The following XRRA1 variants were observed in gnomAD, a reference collection of about 807,000 sequenced individuals.
The protein encoded by XRRA1 is X-ray radiation resistance associated 1, also known as X-ray radiation resistance-associated protein 1.
Under a neutral mutation model 80.2 loss-of-function variants are expected in XRRA1, and 69 were observed. That is an observed-to-expected ratio of 0.86 (90% CI 0.71 to 1.05). The LOEUF (loss-of-function observed/expected upper bound fraction) is 1.05. XRRA1 is among the 50% of genes least tolerant of loss of function. The pLI is 0.00. For synonymous variants in XRRA1, 348 were observed against 389.9 expected (o/e 0.89, Z 1.27); for missense variants, 967 against 976.4 (o/e 0.99, Z 0.13).
At chr11:74,855,515 T>C (rs1486984556) in intron 12 of XRRA1, among the ~76,000 whole-genome samples, 10 of 152,190 alleles carry the variant, frequency 6.6e-5, no homozygotes, top group Admixed American at 5.9e-4. Flanking sequence ...AATCTGGCCA[T>C]GGGGCTAGCC....
chr11:74,889,656 T>C (rs1461378279), intron 10 of XRRA1, among the ~76,000 whole-genome samples: 4 of 152,024 alleles, frequency 2.6e-5, no homozygotes, highest in Admixed American at 6.6e-5. Flanking sequence ...GTTCAGGAAA[T>C]CCATCTCATG....
At chr11:74,894,698 G>A (rs1233223125) in intron 10 of XRRA1, among the ~76,000 whole-genome samples, 1 of 152,162 alleles carries the variant, frequency 6.6e-6, no homozygotes, top group African/African-American at 2.4e-5. Flanking sequence ...TGGGGATTAT[G>A]GGGATTACAA....
At chr11:74,927,657 A>G (rs186528092) in intron 6 of XRRA1, among the ~76,000 whole-genome samples, 169 bp from the exon 7 acceptor site, 1 of 152,352 alleles carries the variant, frequency 6.6e-6, no homozygotes, top group East Asian at 1.9e-4. Flanking sequence ...AGGGATTACT[A>G]CTTCCATTCT....
At chr11:74,880,691 C>G in intron 10 of XRRA1, among the ~76,000 whole-genome samples, 2 of 149,734 alleles carry the variant, frequency 1.3e-5, no homozygotes, top group Admixed American at 6.7e-5. Context: ...CAAAGAACAT[C>G]TTTATTTCTG....
At chr11:74,946,222 C>T (rs1449803839) in intron 1 of XRRA1, among the ~76,000 whole-genome samples, 1 of 152,172 alleles carries the variant, frequency 6.6e-6, no homozygotes, top group Non-Finnish European at 1.5e-5. Context: ...GGATTACAGG[C>T]GTGAACCCCC....
intron 7 of XRRA1, among the ~76,000 whole-genome samples, chr11:74,923,890 ATGAACATGGCTAGAGGGCAGTGGTG>A (rs1292694435): frequency 1.3e-5 from 2 of 152,254 alleles, no homozygotes; most frequent in African/African-American, 2.4e-5. Flanking sequence ...ACCCATTGGT[ATGAACATGGCTAGAGGGCAGTGGTG>A]TGAACATGGC....
intron 10 of XRRA1, among the ~76,000 whole-genome samples, chr11:74,904,457 T>A (rs1362185411): frequency 6.6e-6 from 1 of 150,702 alleles, no homozygotes; most frequent in African/African-American, 2.4e-5. Flanking sequence ...TGAGACTCTG[T>A]CTCTAAAAAG....
At chr11:74,916,085 C>T (rs751101155) in intron 8 of XRRA1, among the ~76,000 whole-genome samples, 16 of 152,156 alleles carry the variant, frequency 1.1e-4, no homozygotes, top group Admixed American at 2.0e-4. Context: ...GCTTCTCTCT[C>T]ACTGCTTTCA....
chr11:74,851,988 C>G lies in XRRA1; in HGVS notation c.1264+1G>C, dbSNP rs1206047183. 11 of 1,613,682 alleles carry G rather than the reference C, an allele frequency of 6.8e-6. No homozygotes were observed. In the East Asian group the frequency reaches 2.5e-4, roughly 36 times the overall value. On this transcript the variant is annotated splice_donor_variant, in intron 13 of 18. Coordinates refer to ENST00000684022, the MANE Select transcript of XRRA1 (RefSeq NM_001378157.1). LOFTEE classifies it high-confidence loss of function. ...AGGGGGCAGGTTTGCGGGCACTATA[C>G]CTCGTGTATGGGCCACCAGAGGGTT... is the stretch of plus-strand genomic sequence containing the variant.
intron 12 of XRRA1, among the ~76,000 whole-genome samples, chr11:74,858,047 C>T (rs555041566): frequency 4.0e-5 from 6 of 151,686 alleles, no homozygotes; most frequent in South Asian, 2.1e-4. Context: ...GCCTAAGATG[C>T]GAGAAAAAGA....
At chr11:74,946,711 T>C (rs753925362) in intron 1 of XRRA1, among the ~76,000 whole-genome samples, 1 of 151,950 alleles carries the variant, frequency 6.6e-6, no homozygotes, top group Non-Finnish European at 1.5e-5. Flanking sequence ...GCTGTGAGTA[T>C]CTCCAAGGTC....
rs76996979 is a variant in XRRA1 at position 74,943,526 on chromosome 11, T to G, written c.-5+1492A>C. On this transcript the variant is annotated intron_variant, in intron 2 of 18. Coordinates refer to ENST00000684022, the MANE Select transcript of XRRA1 (RefSeq NM_001378157.1). ...AGGCGAGGGGAAGAGAGTAGGAGGG[T>G]GTGTGTGTGTGTGTGTGTGTGTGTG... Among the ~76,000 whole-genome samples, 316 of 39,486 alleles carry G rather than the reference T, an allele frequency of 8.0e-3. 1 individual carries two copies. The highest frequency in any genetic ancestry group is 0.031 in the African/African-American group (281 of 8,946). The allele number at this position is 39,486 out of a possible 152,430, so 25.9% of individuals were successfully genotyped here.
At chr11:74,903,633 G>A (rs1021965867) in intron 10 of XRRA1, among the ~76,000 whole-genome samples, 11 of 152,150 alleles carry the variant, frequency 7.2e-5, no homozygotes, top group African/African-American at 2.7e-4. Flanking sequence ...AACCCAGGAG[G>A]CAGAGCTTGC....
chr11:74,886,316 T>C (rs1394209107), intron 10 of XRRA1, among the ~76,000 whole-genome samples: 1 of 152,188 alleles, frequency 6.6e-6, no homozygotes, highest in African/African-American at 2.4e-5. Flanking sequence ...GGAAACGCCA[T>C]AGTCTCTGCC....
chr11:74,912,849 T>C (rs528048233), intron 8 of XRRA1, among the ~76,000 whole-genome samples: 2 of 152,242 alleles, frequency 1.3e-5, no homozygotes, highest in African/African-American at 2.4e-5. Context: ...ATATGCCTAG[T>C]AGCTACACTA....
chr11:74,877,453 C>CT (rs551018786), intron 10 of XRRA1, among the ~76,000 whole-genome samples: 3,214 of 151,394 alleles, frequency 0.021, 107 homozygotes, highest in African/African-American at 0.074. Context: ...TAATGGGATT[C>CT]TTTTTTTTTA....
At chr11:74,890,587 C>G (rs2050385822) in intron 10 of XRRA1, among the ~76,000 whole-genome samples, 1 of 152,010 alleles carries the variant, frequency 6.6e-6, no homozygotes, top group South Asian at 2.1e-4. Flanking sequence ...CACAAAAAAC[C>G]CTTCAAAAAA....
chr11:74,895,011 T>C (rs933096600), intron 10 of XRRA1, among the ~76,000 whole-genome samples: 3 of 152,150 alleles, frequency 2.0e-5, no homozygotes, highest in African/African-American at 7.2e-5. Context: ...GATGGCAGAA[T>C]AGAAGCCTAC....
chr11:74,928,682 T>C (rs1230350525), intron 6 of XRRA1, among the ~76,000 whole-genome samples: 1 of 152,214 alleles, frequency 6.6e-6, no homozygotes, highest in Non-Finnish European at 1.5e-5. Flanking sequence ...ATGGTAGTCT[T>C]GTAAGTCAGA....
Sources: gnomAD v4.1 joint callset for allele counts (sites outside exome capture counted in the v4.1 genomes callset) on GRCh38, gnomAD v4.1.1 for gene constraint, MANE v1.5 for transcripts, NCBI Gene and HGNC (gene_info 2026-07-23, HGNC 2026-07-21) for gene names.